The following TAOK3 variants were observed in gnomAD, a reference collection of about 807,000 sequenced individuals.
TAOK3 encodes TAO kinase 3, also known as serine/threonine-protein kinase TAO3.
TAOK3 carries 40 observed loss-of-function variants against 120.4 expected under a neutral mutation model. The observed-to-expected ratio is 0.33, with a 90% CI of 0.26 to 0.43. The LOEUF is 0.43. Among genes scored for constraint, TAOK3 ranks in the 20% least tolerant of loss-of-function variants. TAOK3 has a pLI of 1.00. For synonymous variants in TAOK3, 355 were observed against 387.5 expected, an observed-to-expected ratio of 0.92 and a Z score of 0.99; for missense variants, 821 against 1,112.1, an observed-to-expected ratio of 0.74 and a Z score of 3.72.
chr12:118,155,405 G>A (rs533599285), intron 19 of TAOK3, among the ~76,000 whole-genome samples: 1 of 152,316 alleles, frequency 6.6e-6, no homozygotes, highest in African/African-American at 2.4e-5. Flanking sequence ...AGACCCTGTG[G>A]TCCACAAAGC....
At chr12:118,356,427 G>A (rs187058684) in intron 1 of TAOK3, among the ~76,000 whole-genome samples, 1 of 151,068 alleles carries the variant, frequency 6.6e-6, no homozygotes, top group Non-Finnish European at 1.5e-5. Context: ...AGCCTTCCGA[G>A]TAACTGGGAT....
At chr12:118,346,316 G>C (rs961972141) in intron 1 of TAOK3, among the ~76,000 whole-genome samples, 5 of 152,044 alleles carry the variant, frequency 3.3e-5, no homozygotes, top group African/African-American at 1.2e-4. Context: ...CCAACATCAG[G>C]ACTGATAAAG....
At chr12:118,264,637 A>C (rs532197393) in intron 2 of TAOK3, among the ~76,000 whole-genome samples, 1 of 152,284 alleles carries the variant, frequency 6.6e-6, no homozygotes, top group Admixed American at 6.5e-5. Flanking sequence ...GTGATAGTGG[A>C]TATGTTTATT....
intron 2 of TAOK3, among the ~76,000 whole-genome samples, chr12:118,256,881 T>G (rs1428341778): frequency 6.6e-6 from 1 of 152,178 alleles, no homozygotes; most frequent in Non-Finnish European, 1.5e-5. Flanking sequence ...CAGTTACACA[T>G]TTTAAGTGAG....
In TAOK3 at chr12:118,244,537, T is replaced by TC. The variant is rs556346891; in HGVS notation, c.192+356_192+357insG. Among the ~76,000 whole-genome samples, 891 of 147,566 alleles carry TC rather than the reference T, an allele frequency of 6.0e-3. 23 individuals are homozygous for TC. Among genetic ancestry groups the TC allele is most frequent in the Non-Finnish European group, 9.9e-3 (659 of 66,602 alleles). The stretch of plus-strand genomic sequence containing the variant: ...GTTAATTTCTTTTTTCTTTTTCTTT[T>TC]TTTTTTTTTGAGACAGAGCCTCGCT... On this transcript the variant is annotated intron_variant, in intron 4 of 20. Transcript: ENST00000392533.
At chr12:118,151,633 CAG>C (rs1354010046) in intron 20 of TAOK3, among the ~76,000 whole-genome samples, 6 of 152,118 alleles carry the variant, frequency 3.9e-5, no homozygotes, top group Admixed American at 3.9e-4. Context: ...ACGTTGGTCT[CAG>C]GGAACTACTG....
chr12:118,292,478 G>A (rs879812099), intron 1 of TAOK3, among the ~76,000 whole-genome samples: 2 of 152,144 alleles, frequency 1.3e-5, no homozygotes, highest in Non-Finnish European at 2.9e-5. Flanking sequence ...TTTACTGAAT[G>A]TTCACTCTGA....
chr12:118,231,900 G>T (rs546348259), intron 9 of TAOK3, among the ~76,000 whole-genome samples: 1 of 149,284 alleles, frequency 6.7e-6, no homozygotes, highest in African/African-American at 2.5e-5. Context: ...TGCAGCCTGG[G>T]TAACAGAGCA....
At chr12:118,350,481 C>G (rs926810426) in intron 1 of TAOK3, among the ~76,000 whole-genome samples, 2 of 152,132 alleles carry the variant, frequency 1.3e-5, no homozygotes, top group East Asian at 3.8e-4. Context: ...ATACCTAGCA[C>G]CTAACAAGCA....
intron 9 of TAOK3, among the ~76,000 whole-genome samples, chr12:118,221,795 C>T (rs1250312538): frequency 3.3e-5 from 5 of 151,654 alleles, no homozygotes; most frequent in African/African-American, 9.7e-5. Flanking sequence ...CCACCACGCC[C>T]GGCTAATTTT....
intron 17 of TAOK3, among the ~76,000 whole-genome samples, chr12:118,162,994 G>A (rs943035990): frequency 1.3e-5 from 2 of 152,134 alleles, no homozygotes; most frequent in African/African-American, 4.8e-5. Flanking sequence ...ACAGGGAAGT[G>A]CACTAGACAT....
intron 1 of TAOK3, among the ~76,000 whole-genome samples, chr12:118,366,498 A>G (rs779959238): frequency 3.3e-5 from 5 of 152,226 alleles, no homozygotes; most frequent in Non-Finnish European, 5.9e-5. Flanking sequence ...AAAATTAAAT[A>G]TATACTGCAC....
intron 1 of TAOK3, among the ~76,000 whole-genome samples, chr12:118,366,757 C>A (rs939905000): frequency 2.0e-5 from 3 of 152,096 alleles, no homozygotes; most frequent in African/African-American, 7.2e-5. Context: ...GTGGACCACA[C>A]CTCTTTGTTT....
chr12:118,262,855 AG>A (rs1204032182), intron 2 of TAOK3, among the ~76,000 whole-genome samples: 1 of 151,442 alleles, frequency 6.6e-6, no homozygotes, highest in African/African-American at 2.4e-5. Flanking sequence ...CGAAATACTT[AG>A]GGATCAATGC....
chr12:118,301,316 C>T (rs991695322), intron 1 of TAOK3, among the ~76,000 whole-genome samples: 2 of 152,092 alleles, frequency 1.3e-5, no homozygotes, highest in Non-Finnish European at 2.9e-5. Flanking sequence ...TTAAGGGAGG[C>T]TAAAAACAAA....
intron 1 of TAOK3, among the ~76,000 whole-genome samples, chr12:118,269,076 T>G (rs17433217): frequency 0.12 from 18,437 of 150,614 alleles, 1,205 homozygotes; most frequent in Middle Eastern, 0.15. Context: ...AAATAAGGCA[T>G]CTTACAAATC....
At chr12:118,217,324 C>A (rs1462161229) in intron 9 of TAOK3, among the ~76,000 whole-genome samples, 1 of 152,070 alleles carries the variant, frequency 6.6e-6, no homozygotes, top group Non-Finnish European at 1.5e-5. Flanking sequence ...GACAACTATA[C>A]CTATTCATTT....
intron 17 of TAOK3, among the ~76,000 whole-genome samples, chr12:118,163,730 CA>C (rs1255997683): frequency 6.6e-6 from 1 of 151,970 alleles, no homozygotes; most frequent in Non-Finnish European, 1.5e-5. Context: ...TATTTTGAGA[CA>C]GAGTATTGCT....
At chr12:118,225,171 C>T (rs1038905320) in intron 9 of TAOK3, among the ~76,000 whole-genome samples, 2 of 149,030 alleles carry the variant, frequency 1.3e-5, no homozygotes, top group African/African-American at 5.0e-5. Context: ...TCACTTGAGT[C>T]CAGGGGGTGG....
Sources: gnomAD v4.1 joint callset for allele counts (sites outside exome capture counted in the v4.1 genomes callset) on GRCh38, gnomAD v4.1.1 for gene constraint, MANE v1.5 for transcripts, NCBI Gene and HGNC (gene_info 2026-07-23, HGNC 2026-07-21) for gene names.